The following MARCHF1 variants were observed in gnomAD, a reference collection of about 807,000 sequenced individuals.
The protein encoded by MARCHF1 is membrane associated ring-CH-type finger 1.
In MARCHF1, 40 loss-of-function variants were observed where a neutral mutation model predicts 54.2. The ratio of observed to expected loss-of-function variants is 0.74; its 90% CI spans 0.57 to 0.96. The LOEUF (loss-of-function observed/expected upper bound fraction) is 0.96. Ranked by LOEUF, MARCHF1 falls within the 40% of genes least tolerant of loss-of-function variation. MARCHF1 has a pLI of 0.00. For missense variants in MARCHF1, 586 were observed against 656.5 expected, an observed-to-expected ratio of 0.89 and a Z score of 1.17; for synonymous variants, 236 against 236.3, an observed-to-expected ratio of 1.00 and a Z score of 0.01.
intron 5 of MARCHF1, among the ~76,000 whole-genome samples, chr4:163,656,323 C>A (rs1277231270): frequency 1.3e-5 from 2 of 151,864 alleles, no homozygotes; most frequent in African/African-American, 4.8e-5. Context: ...AAATAAATTC[C>A]TAGACACATA....
chr4:164,306,759 C>T (rs1734706801), intron 1 of MARCHF1, among the ~76,000 whole-genome samples: 1 of 152,048 alleles, frequency 6.6e-6, no homozygotes, highest in South Asian at 2.1e-4. Flanking sequence ...GTTTATTTAT[C>T]ACTGATCTGG....
chr4:163,955,669 T>C (rs1283791473), intron 3 of MARCHF1, among the ~76,000 whole-genome samples: 2 of 152,154 alleles, frequency 1.3e-5, no homozygotes, highest in Non-Finnish European at 2.9e-5. Flanking sequence ...CTTTCCTTTA[T>C]ATCTTCCCAA....
intron 1 of MARCHF1, among the ~76,000 whole-genome samples, chr4:164,304,472 T>C (rs1734646892): frequency 6.6e-6 from 1 of 152,202 alleles, no homozygotes; most frequent in Non-Finnish European, 1.5e-5. Flanking sequence ...TGAAACTATT[T>C]AGAGTCAGAA....
chr4:163,974,321 T>C (rs755206206), intron 3 of MARCHF1, among the ~76,000 whole-genome samples: 4 of 152,200 alleles, frequency 2.6e-5, no homozygotes, highest in Non-Finnish European at 5.9e-5. Context: ...ATGCTAAGCT[T>C]CCATTAAGAA....
chr4:164,308,846 T>C (rs1186689604), intron 1 of MARCHF1, among the ~76,000 whole-genome samples: 2 of 151,708 alleles, frequency 1.3e-5, no homozygotes, highest in African/African-American at 4.8e-5. Flanking sequence ...AAAAAATAAC[T>C]ATTGAGTACA....
intron 1 of MARCHF1, among the ~76,000 whole-genome samples, chr4:164,300,518 C>T (rs79925330): frequency 2.2e-3 from 332 of 152,216 alleles, no homozygotes; most frequent in African/African-American, 7.7e-3. Context: ...TGAAGGAAGA[C>T]ATGCATGAAA....
At chr4:164,039,559 T>C (rs555466291) in intron 2 of MARCHF1, among the ~76,000 whole-genome samples, 2 of 152,248 alleles carry the variant, frequency 1.3e-5, no homozygotes, top group African/African-American at 2.4e-5. Context: ...GACCTATTCA[T>C]TGGAAGTTGC....
chr4:163,746,847 C>G (rs1222245656), intron 4 of MARCHF1, among the ~76,000 whole-genome samples: 1 of 152,206 alleles, frequency 6.6e-6, no homozygotes. Context: ...TCATCCTCAT[C>G]ATTGTGTATC....
At chr4:164,243,469 G>C (rs1330576028) in intron 1 of MARCHF1, among the ~76,000 whole-genome samples, 19 of 152,020 alleles carry the variant, frequency 1.2e-4, no homozygotes, top group Non-Finnish European at 5.9e-5. Context: ...ACTAAACATG[G>C]AAAGGAACAA....
In MARCHF1 at chr4:163,545,701, A is replaced by T; in HGVS notation, c.1234T>A (p.Phe412Ile). The T allele has an allele frequency of 6.2e-7, 1 of 1,614,118 alleles. No homozygotes were observed. Among genetic ancestry groups the T allele is most frequent in the East Asian group, 2.2e-5 (1 of 44,868 alleles). ...QMTTSERRKI[F>I]CSVTFHVIAI... ...ATTACGTGGAATGTGACAGAGCAGA[A>T]TATTTTCCTCCTTTCACTTGTGGTC... Residue 412 changes from phenylalanine to isoleucine, a missense_variant, in exon 9 of 10, where the codon TTC becomes ATC. Coordinates refer to ENST00000514618, the MANE Select transcript of MARCHF1 (RefSeq NM_001394959.1).
chr4:163,902,891 G>C (rs983556680), intron 3 of MARCHF1, among the ~76,000 whole-genome samples: 1 of 151,940 alleles, frequency 6.6e-6, no homozygotes, highest in Non-Finnish European at 1.5e-5. Flanking sequence ...CTGTTATATA[G>C]CTCCATAGAC....
intron 5 of MARCHF1, among the ~76,000 whole-genome samples, chr4:163,644,487 G>T (rs1477756981): frequency 2.6e-5 from 4 of 152,132 alleles, no homozygotes; most frequent in African/African-American, 9.7e-5. Context: ...GTTAACGCAA[G>T]GACCCAGAGG....
chr4:163,995,993 A>C (rs900204282), intron 2 of MARCHF1, among the ~76,000 whole-genome samples: 2 of 152,110 alleles, frequency 1.3e-5, no homozygotes, highest in Non-Finnish European at 2.9e-5. Context: ...TCTGAAAAGA[A>C]TATATTTTAT....
chr4:164,017,879 T>G (rs564796685), intron 2 of MARCHF1, among the ~76,000 whole-genome samples: 1 of 146,372 alleles, frequency 6.8e-6, no homozygotes, highest in African/African-American at 2.5e-5. Flanking sequence ...TTGAGGAACA[T>G]GCATTATCAG....
chr4:163,859,301 C>T (rs763988528), intron 3 of MARCHF1, among the ~76,000 whole-genome samples: 11 of 151,730 alleles, frequency 7.2e-5, no homozygotes, highest in African/African-American at 2.2e-4. Context: ...AATGAAGAAA[C>T]GGCACAATAC....
chr4:163,555,425 T>C (rs898410607), intron 8 of MARCHF1, among the ~76,000 whole-genome samples: 1 of 152,180 alleles, frequency 6.6e-6, no homozygotes, highest in Non-Finnish European at 1.5e-5. Context: ...CCCAAAAAAC[T>C]CACCTAAATC....
intron 2 of MARCHF1, among the ~76,000 whole-genome samples, chr4:164,052,752 G>C (rs1041299426): frequency 1.3e-5 from 2 of 152,096 alleles, no homozygotes; most frequent in African/African-American, 2.4e-5. Flanking sequence ...AAATGATAAA[G>C]TAGTCAGGTA....
intron 2 of MARCHF1, among the ~76,000 whole-genome samples, chr4:164,091,773 A>G (rs892386647): frequency 6.6e-6 from 1 of 152,034 alleles, no homozygotes; most frequent in Non-Finnish European, 1.5e-5. Context: ...GCATTTAATT[A>G]ATTTTTGAAA....
At chr4:163,994,712 G>A (rs2110901861) in intron 2 of MARCHF1, among the ~76,000 whole-genome samples, 2 of 144,746 alleles carry the variant, frequency 1.4e-5, no homozygotes, top group South Asian at 4.4e-4. Flanking sequence ...AAGGAGTCCT[G>A]GACCTAACAG....
Sources: gnomAD v4.1 joint callset for allele counts (sites outside exome capture counted in the v4.1 genomes callset) on GRCh38, gnomAD v4.1.1 for gene constraint, MANE v1.5 for transcripts, NCBI Gene and HGNC (gene_info 2026-07-23, HGNC 2026-07-21) for gene names.